Variants in SRP54 observed in about 807,000 individuals in gnomAD.
SRP54 encodes the protein signal recognition particle 54.
A neutral mutation model predicts 64.8 loss-of-function variants in SRP54; 10 were observed. The ratio of observed to expected loss-of-function variants is 0.15; its 90% CI spans 0.10 to 0.26. The LOEUF (loss-of-function observed/expected upper bound fraction) is 0.26, where lower values mean the gene tolerates loss of function less well. Among genes scored for constraint, SRP54 ranks in the 10% least tolerant of loss-of-function variants. The pLI is 1.00. For synonymous variants in SRP54, 193 were observed against 185.6 expected (o/e 1.04, Z -0.32); for missense variants, 325 against 613.7 (o/e 0.53, Z 4.97).
intron 14 of SRP54, among the ~76,000 whole-genome samples, chr14:35,027,376 T>TAGCCA (rs2044648842): frequency 6.6e-6 from 1 of 152,158 alleles, no homozygotes; most frequent in Non-Finnish European, 1.5e-5. Context: ...TCCAGTCTCT[T>TAGCCA]TGCTAATTAA....
At chr14:35,021,384 T>C (rs1049989864) in intron 13 of SRP54, among the ~76,000 whole-genome samples, 1 of 152,070 alleles carries the variant, frequency 6.6e-6, no homozygotes, top group African/African-American at 2.4e-5. Flanking sequence ...AATCCCAGCA[T>C]TTTGGGAGGC....
intron 7 of SRP54, among the ~76,000 whole-genome samples, chr14:35,009,129 C>G (rs1455800772): frequency 6.6e-6 from 1 of 152,006 alleles, no homozygotes; most frequent in Admixed American, 6.5e-5. Context: ...CTCAGGTGAT[C>G]CACCTGCCTC....
chr14:34,991,463 A>G (rs1466508010), intron 1 of SRP54, among the ~76,000 whole-genome samples: 1 of 149,414 alleles, frequency 6.7e-6, no homozygotes, highest in Non-Finnish European at 1.5e-5. Flanking sequence ...ATTATAGGTG[A>G]CAAATAATAT....
chr14:34,999,093 C>G (rs2044130830), intron 2 of SRP54, among the ~76,000 whole-genome samples: 1 of 145,826 alleles, frequency 6.9e-6, no homozygotes, highest in Non-Finnish European at 1.5e-5. Flanking sequence ...TGGCTCACTG[C>G]AGCCTCCGCC....
intron 14 of SRP54, among the ~76,000 whole-genome samples, chr14:35,026,181 T>C (rs1228927414): frequency 1.5e-5 from 1 of 66,730 alleles, no homozygotes; most frequent in Non-Finnish European, 3.4e-5. Context: ...GTTGTTTTTT[T>C]ATTTATTGTT....
In SRP54 at chr14:35,007,366, T is replaced by A; in HGVS notation, c.339T>A (p.Gly113=). ...TGTTTGTTGGATTGCAAGGGAGTGGTAAAACAACAACATGTTCAAAGGTAA... is the reference window on the plus strand; with the variant it reads ...TGTTTGTTGGATTGCAAGGGAGTGGAAAAACAACAACATGTTCAAAGGTAA... ...VIMFVGLQGS[G]KTTTCSKLAY... is the part of the protein sequence containing the mutation. Residue 113 remains glycine (G), a synonymous_variant, in exon 5 of 16, where the codon GGT becomes GGA. Transcript: ENST00000216774. 3 of 1,589,450 alleles carry A rather than the reference T, an allele frequency of 1.9e-6. No individual in the cohort carries two copies. Among genetic ancestry groups the A allele is most frequent in the Non-Finnish European group, 2.6e-6 (3 of 1,163,616 alleles).
At chr14:35,006,159 T>A (rs1423283390) in intron 4 of SRP54, among the ~76,000 whole-genome samples, 2 of 152,184 alleles carry the variant, frequency 1.3e-5, no homozygotes, top group East Asian at 1.9e-4. Flanking sequence ...CATGCTTTTT[T>A]AATTTGGAGA....
intron 1 of SRP54, among the ~76,000 whole-genome samples, chr14:34,995,764 T>C (rs1054309817): frequency 9.2e-5 from 14 of 152,198 alleles, no homozygotes; most frequent in Non-Finnish European, 1.8e-4. Flanking sequence ...CATCAAGGGC[T>C]TTTTCTAATA....
intron 1 of SRP54, among the ~76,000 whole-genome samples, chr14:34,992,223 G>T (rs1477064481): frequency 1.3e-5 from 2 of 152,090 alleles, no homozygotes; most frequent in Non-Finnish European, 2.9e-5. Context: ...GTGAGCCACT[G>T]GGCCCGGACA....
rs1246690873 is a variant in SRP54, at chr14:35,008,820, A to G, written c.474A>G (p.Pro158=). 1 of 1,606,424 alleles carries G rather than the reference A, an allele frequency of 6.2e-7. No individual in the cohort carries two copies. Among genetic ancestry groups the G allele is most frequent in the Non-Finnish European group, 8.5e-7 (1 of 1,177,204 alleles). The part of the protein sequence containing the change: ...LKQNATKARI[P]FYGSYTEMDP... ...AGAATGCTACCAAAGCAAGAATTCC[A>G]TTTTATGGAAGGTAGGTTACTGTTT... The change falls in exon 7 of 16, where the codon CCA becomes CCG. Residue 158 remains proline (P), a synonymous_variant. Coordinates refer to ENST00000216774, the MANE Select transcript of SRP54 (RefSeq NM_003136.4).
chr14:34,987,139 G>A (rs748607838), intron 1 of SRP54, among the ~76,000 whole-genome samples: 6 of 150,406 alleles, frequency 4.0e-5, no homozygotes, highest in Non-Finnish European at 8.9e-5. Flanking sequence ...GCTGAGGCAG[G>A]AGAATCGCTT....
intron 1 of SRP54, among the ~76,000 whole-genome samples, chr14:34,986,354 A>G (rs2043895888): frequency 1.3e-5 from 2 of 152,148 alleles, no homozygotes; most frequent in African/African-American, 4.8e-5. Context: ...AAACTGTTAT[A>G]TTTGATTAGG....
intron 7 of SRP54, among the ~76,000 whole-genome samples, chr14:35,009,119 C>T (rs946926737): frequency 2.0e-5 from 3 of 152,002 alleles, no homozygotes; most frequent in Admixed American, 2.0e-4. Context: ...AACTCCTGAC[C>T]TCAGGTGATC....
At position 35,013,596 on chromosome 14, in the gene SRP54, G is replaced by T. The variant is rs376394002; in HGVS notation, c.785+102G>T. 1.5e-4 allele frequency: 195 copies of T among 1,329,706 alleles called. 2 individuals are homozygous for T. In the South Asian group the frequency reaches 2.5e-3, roughly 17 times the overall value. 82.4% of individuals were successfully genotyped at this position (1,329,706 alleles called of 1,614,324 possible). A position where few individuals can be genotyped will look rare whatever the true frequency, so the allele number is the denominator to read the frequency against. On this transcript the variant is annotated intron_variant, in intron 9 of 15. Transcript: ENST00000216774. Reference sequence around the variant, plus strand: ...ATCATTTAAAATATGTTTCAATAGTGAGCCTAATATGGTTTATAAAGAAAG... The same window carrying T: ...ATCATTTAAAATATGTTTCAATAGTTAGCCTAATATGGTTTATAAAGAAAG...
At position 34,993,020 on chromosome 14, in the gene SRP54, C is replaced by G. The variant is rs551327606; in HGVS notation, c.-33-3657C>G. 2.0e-5 allele frequency among the ~76,000 whole-genome samples: 3 copies of G among 152,120 alleles called. No individual in the cohort carries two copies. In the East Asian group the frequency reaches 5.8e-4, roughly 29 times the overall value. ...GACTACCGGAGTGCACCACCATACC[C>G]GGCCAAGTTTTGTATATTTTGTAGA... On this transcript the variant is annotated intron_variant, in intron 1 of 15. Coordinates refer to ENST00000216774, the MANE Select transcript of SRP54 (RefSeq NM_003136.4).
intron 15 of SRP54, 130 bp downstream of exon 15, chr14:35,028,313 C>T: frequency 1.8e-6 from 1 of 562,368 alleles, no homozygotes; most frequent in African/African-American, 1.9e-5. Flanking sequence ...AAATGGTCAT[C>T]TGAATCCTAA....
chr14:35,011,729 T>C, intron 8 of SRP54, 70 bp downstream of exon 8: 1 of 1,291,424 alleles, frequency 7.7e-7, no homozygotes, highest in Non-Finnish European at 1.0e-6. Flanking sequence ...AGGTTGAGTA[T>C]ATGACCAATA....
intron 1 of SRP54, chr14:34,993,436 T>C (rs775985866): frequency 6.6e-6 from 1 of 152,180 alleles, no homozygotes; most frequent in African/African-American, 2.4e-5. Flanking sequence ...TGTAAAAAAA[T>C]CTTATGGTAA....
chr14:34,984,959 A>G (rs1172411547), intron 1 of SRP54, among the ~76,000 whole-genome samples: 1 of 151,686 alleles, frequency 6.6e-6, no homozygotes, highest in Non-Finnish European at 1.5e-5. Flanking sequence ...GAAAGTGTAT[A>G]AAAGCAGTGA....
Sources: gnomAD v4.1 joint callset for allele counts (sites outside exome capture counted in the v4.1 genomes callset) on GRCh38, gnomAD v4.1.1 for gene constraint, MANE v1.5 for transcripts, NCBI Gene and HGNC (gene_info 2026-07-23, HGNC 2026-07-21) for gene names.